The following GSAP variants were observed in gnomAD, a reference collection of about 807,000 sequenced individuals.
GSAP encodes the protein gamma-secretase-activating protein.
Under a neutral mutation model 131.7 loss-of-function variants are expected in GSAP, and 118 were observed. That is an observed-to-expected ratio of 0.90 (90% CI 0.77 to 1.04). GSAP has a LOEUF of 1.04. GSAP is among the 50% of genes least tolerant of loss of function. The pLI is 0.00. For synonymous variants in GSAP, 381 were observed against 363.4 expected (o/e 1.05, Z -0.55); for missense variants, 1,019 against 1,013.2 (o/e 1.01, Z -0.08).
At chr7:77,315,177 G>A (rs1476387849) in intron 26 of GSAP, 1 of 152,264 alleles carries the variant, frequency 6.6e-6, no homozygotes, top group East Asian at 1.9e-4. Context: ...TCTCTTGGAA[G>A]TGATGGCATT....
intron 19 of GSAP, among the ~76,000 whole-genome samples, chr7:77,345,203 C>CCAT (rs1791609063): frequency 6.6e-6 from 1 of 152,142 alleles, no homozygotes; most frequent in Non-Finnish European, 1.5e-5. Context: ...CACATCCAGG[C>CCAT]CATCACCAAT....
At chr7:77,367,789 T>C (rs1282661137) in intron 12 of GSAP, among the ~76,000 whole-genome samples, 1 of 152,222 alleles carries the variant, frequency 6.6e-6, no homozygotes, top group Non-Finnish European at 1.5e-5. Flanking sequence ...CCAGCTTTTC[T>C]TTGTACGTCT....
chr7:77,400,105 CA>C (rs539792322), intron 3 of GSAP, among the ~76,000 whole-genome samples: 119 of 152,330 alleles, frequency 7.8e-4, no homozygotes, highest in African/African-American at 2.7e-3. Flanking sequence ...TCTCTACCAG[CA>C]AAGGCTGCAT....
intron 26 of GSAP, among the ~76,000 whole-genome samples, chr7:77,319,987 G>A (rs1006047144): frequency 6.6e-6 from 1 of 151,566 alleles, no homozygotes; most frequent in Non-Finnish European, 1.5e-5. Flanking sequence ...TAACAATACT[G>A]TATTGTGCAT....
intron 19 of GSAP, among the ~76,000 whole-genome samples, chr7:77,349,022 C>G (rs371551148): frequency 6.6e-6 from 1 of 152,202 alleles, no homozygotes; most frequent in Non-Finnish European, 1.5e-5. Flanking sequence ...AGCTACCAGC[C>G]TCTCTAAAGA....
At chr7:77,365,052 C>T (rs532486807) in intron 12 of GSAP, among the ~76,000 whole-genome samples, 2 of 152,242 alleles carry the variant, frequency 1.3e-5, no homozygotes, top group South Asian at 4.2e-4. Context: ...CCTTAACCTC[C>T]CAGGCTCAAA....
intron 12 of GSAP, among the ~76,000 whole-genome samples, chr7:77,364,948 G>A (rs1795064087): frequency 1.3e-5 from 2 of 152,258 alleles, no homozygotes; most frequent in South Asian, 2.1e-4. Context: ...CACTCAAAAT[G>A]TGGATAATAT....
chr7:77,366,186 C>T (rs80228602), intron 12 of GSAP, among the ~76,000 whole-genome samples: 1,894 of 152,002 alleles, frequency 0.012, 16 homozygotes, highest in Non-Finnish European at 0.018. Flanking sequence ...TTCTGTAGGT[C>T]GTTTGGTTTA....
At chr7:77,392,935 T>C (rs1467241435) in intron 5 of GSAP, among the ~76,000 whole-genome samples, 1 of 152,146 alleles carries the variant, frequency 6.6e-6, no homozygotes, top group African/African-American at 2.4e-5. Flanking sequence ...CTGCTGTGAC[T>C]TGTGGCAAAT....
chr7:77,387,515 G>T, intron 5 of GSAP, 67 bp from the exon 6 acceptor site: 1 of 858,370 alleles, frequency 1.2e-6, no homozygotes. Flanking sequence ...TCCAAAGCAA[G>T]GAGTAAGAAC....
intron 19 of GSAP, among the ~76,000 whole-genome samples, chr7:77,342,336 G>A (rs1412366496): frequency 6.6e-6 from 1 of 151,986 alleles, no homozygotes; most frequent in Non-Finnish European, 1.5e-5. Flanking sequence ...TAACTGTTGT[G>A]GGTATTGAAG....
chr7:77,371,898 C>G (rs1796173190), intron 12 of GSAP, among the ~76,000 whole-genome samples: 1 of 152,226 alleles, frequency 6.6e-6, no homozygotes, highest in Admixed American at 6.5e-5. Context: ...AAGTACCATC[C>G]TATAAATTAC....
chr7:77,318,200 C>T (rs1160458469), intron 26 of GSAP, among the ~76,000 whole-genome samples: 1 of 152,178 alleles, frequency 6.6e-6, no homozygotes, highest in Non-Finnish European at 1.5e-5. Flanking sequence ...AGGCAAATTA[C>T]TCAACCTTTC....
intron 18 of GSAP, chr7:77,351,282 T>C (rs1792832090): frequency 9.5e-6 from 9 of 949,650 alleles, no homozygotes; most frequent in Non-Finnish European, 8.8e-6. Context: ...TTAAAAGAGG[T>C]ATAGTTGTTT....
At position 77,353,611 on chromosome 7, in the gene GSAP, C is replaced by T; in HGVS notation, c.1369G>A (p.Ala457Thr). 1.2e-6 allele frequency: 2 copies of T among 1,610,534 alleles called. No homozygotes were observed. Among genetic ancestry groups the T allele is most frequent in the South Asian group, 1.1e-5 (1 of 90,928 alleles). Residue 457 changes from alanine (A) to threonine (T), a missense_variant, in exon 17 of 31, where the codon GCC becomes ACC. By Grantham distance (58) the Ala-to-Thr change is moderately conservative (BLOSUM62 0). Transcript: ENST00000257626. Reference sequence around the variant, plus strand: ...TGAATGAGGTCAAATGAATGGCAGGCAGAGACATTCTCAGAAATCCACTGA... The same window carrying T: ...TGAATGAGGTCAAATGAATGGCAGGTAGAGACATTCTCAGAAATCCACTGA... ...IIQWISENVS[A>T]CHSFDLIQEF...
chr7:77,354,736 G>C (rs984661616), intron 16 of GSAP, among the ~76,000 whole-genome samples: 6 of 149,088 alleles, frequency 4.0e-5, no homozygotes, highest in South Asian at 4.2e-4. Context: ...ATCTGATAAA[G>C]AGATTTTTCT....
At chr7:77,384,695 G>T (rs1798293255) in intron 6 of GSAP, among the ~76,000 whole-genome samples, 1 of 152,090 alleles carries the variant, frequency 6.6e-6, no homozygotes, top group Non-Finnish European at 1.5e-5. Context: ...CACTCCTGCT[G>T]AAGCTCCTCT....
chr7:77,345,342 G>C (rs2150789086), intron 19 of GSAP, among the ~76,000 whole-genome samples: 1 of 152,162 alleles, frequency 6.6e-6, no homozygotes, highest in South Asian at 2.1e-4. Context: ...AAGCAGCCCT[G>C]AGAAACATTG....
intron 1 of GSAP, among the ~76,000 whole-genome samples, chr7:77,415,028 T>C (rs887925952): frequency 2.0e-5 from 3 of 151,988 alleles, no homozygotes; most frequent in Admixed American, 6.5e-5. Context: ...CAGCTAATTT[T>C]TGTATAAAAT....
Sources: allele counts gnomAD v4.1 joint callset (sites outside exome capture counted in the v4.1 genomes callset), GRCh38; gene constraint gnomAD v4.1.1; transcripts MANE v1.5; gene names NCBI Gene and HGNC (gene_info 2026-07-23, HGNC 2026-07-21).